The following UACA variants were observed in gnomAD, a reference collection of about 807,000 sequenced individuals.
UACA encodes the protein uveal autoantigen with coiled-coil domains and ankyrin repeats, also known as nuclear membrane binding protein.
In UACA, 112 loss-of-function variants were observed where a neutral mutation model predicts 160.5. That is an observed-to-expected ratio of 0.70 (90% CI 0.60 to 0.82). The LOEUF (loss-of-function observed/expected upper bound fraction) is 0.82, where lower values mean the gene tolerates loss of function less well. UACA is among the 40% of genes least tolerant of loss of function. The pLI is 0.00. For missense variants in UACA, 1,574 were observed against 1,614.6 expected, an observed-to-expected ratio of 0.97 and a Z score of 0.43; for synonymous variants, 557 against 568.4, an observed-to-expected ratio of 0.98 and a Z score of 0.29.
In UACA at chr15:70,666,864, C is replaced by G. The variant is rs1472074991; in HGVS notation, c.3820G>C (p.Glu1274Gln). The stretch of plus-strand genomic sequence containing the variant: ...ATGCTGAAATGCAGTAATTCCTTCT[C>G]ATCTTTTGCAGATATTTCCTTCTTT... ...AKKKEISAKD[E>Q]KELLHFSIEQ... Residue 1274 changes from glutamate to glutamine, a missense_variant, in exon 16 of 19, where the codon GAG (glutamate) becomes CAG (glutamine). Coordinates refer to ENST00000322954, the MANE Select transcript of UACA (RefSeq NM_018003.4). 6.2e-7 allele frequency: 1 copy of G among 1,613,830 alleles called. No individual in the cohort carries two copies. The highest frequency in any genetic ancestry group is 8.5e-7 in the Non-Finnish European group (1 of 1,179,962).
intron 17 of UACA, among the ~76,000 whole-genome samples, chr15:70,662,399 G>A (rs564058989): frequency 2.0e-5 from 3 of 152,210 alleles, no homozygotes; most frequent in East Asian, 1.9e-4. Flanking sequence ...ATGCTCATGG[G>A]TAGGAAGAAT....
upstream of UACA, among the ~76,000 whole-genome samples, chr15:70,767,257 CAAAA>C (rs1298617034): frequency 3.2e-5 from 3 of 94,278 alleles, no homozygotes; most frequent in East Asian, 4.9e-4. Context: ...AAAAAAAAAA[CAAAA>C]AACAAAAACA....
Position 70,705,145 on chromosome 15 carries a change from A to G in UACA, c.79-5485T>C, listed in dbSNP as rs147300067. Among the ~76,000 whole-genome samples, 1,480 of 152,298 alleles carry G rather than the reference A, an allele frequency of 9.7e-3. 32 individuals carry two copies. Among genetic ancestry groups the G allele is most frequent in the African/African-American group, 0.033 (1,377 of 41,568 alleles). On this transcript the variant is annotated intron_variant, in intron 1 of 18. Transcript: ENST00000322954. ...TTAAGTTAGGTTATGGTTCATCCAC[A>G]AGGACTCAAATATAGAAGTACAGAG...
intron 1 of UACA, among the ~76,000 whole-genome samples, chr15:70,745,378 T>C (rs1438454613): frequency 6.7e-6 from 1 of 148,708 alleles, no homozygotes; most frequent in Non-Finnish European, 1.5e-5. Flanking sequence ...GAGCTTGCAG[T>C]GAGCCGAGAT....
chr15:70,755,297 T>A (rs1251894175), intron 1 of UACA, among the ~76,000 whole-genome samples: 1 of 152,072 alleles, frequency 6.6e-6, no homozygotes, highest in Non-Finnish European at 1.5e-5. Context: ...AAGATGAAAC[T>A]TTCATGACTA....
rs908594911 is a variant in UACA at position 70,763,189 on chromosome 15, C to G, written c.78+141G>C. 1.9e-5 allele frequency: 18 copies of G among 935,418 alleles called. No homozygotes were observed. In the African/African-American group the frequency reaches 2.9e-4, roughly 15 times the overall value. 57.9% of individuals were successfully genotyped at this position (935,418 alleles called of 1,614,324 possible). ...GTCTCTGGGCTGACGGAGTCTCCGG[C>G]CTCAGGGAGGAGTCGCCAGGGCCGC... On this transcript the variant is annotated intron_variant, in intron 1 of 18. Coordinates refer to ENST00000322954, the MANE Select transcript of UACA (RefSeq NM_018003.4).
At chr15:70,714,014 C>T (rs1199188036) in intron 1 of UACA, among the ~76,000 whole-genome samples, 1 of 152,096 alleles carries the variant, frequency 6.6e-6, no homozygotes, top group Non-Finnish European at 1.5e-5. Context: ...TAAAACTAAA[C>T]ATCATTGATG....
At chr15:70,738,479 C>A (rs1326838731) in intron 1 of UACA, among the ~76,000 whole-genome samples, 2 of 152,196 alleles carry the variant, frequency 1.3e-5, no homozygotes, top group East Asian at 3.9e-4. Context: ...CAAAACACAC[C>A]TGGCCTGGAT....
intron 1 of UACA, among the ~76,000 whole-genome samples, chr15:70,759,293 T>C (rs2030608485): frequency 6.6e-6 from 1 of 152,186 alleles, no homozygotes; most frequent in African/African-American, 2.4e-5. Flanking sequence ...CCAGATCTGG[T>C]ACAGTATTTA....
At chr15:70,752,544 ATC>A (rs959130462) in intron 1 of UACA, among the ~76,000 whole-genome samples, 119 of 145,640 alleles carry the variant, frequency 8.2e-4, no homozygotes, top group African/African-American at 2.5e-3. Flanking sequence ...CCCACCACTT[ATC>A]TCTCTCTCTC....
intron 1 of UACA, among the ~76,000 whole-genome samples, chr15:70,724,679 C>T (rs558762101): frequency 3.2e-4 from 49 of 152,224 alleles, no homozygotes; most frequent in African/African-American, 1.0e-3. Context: ...CCAAGGCACA[C>T]TTATAATTGC....
chr15:70,744,825 A>C (rs947657179), intron 1 of UACA, among the ~76,000 whole-genome samples: 23 of 152,172 alleles, frequency 1.5e-4, no homozygotes. Context: ...AAAATTAGTC[A>C]GGATTCTGCC....
In UACA at chr15:70,665,525, A is replaced by C. The variant is rs564192902; in HGVS notation, c.3961-711T>G. Among the ~76,000 whole-genome samples the C allele has an allele frequency of 2.0e-5, 3 of 152,250 alleles. No individual in the cohort carries two copies. In the East Asian group the frequency reaches 5.8e-4, roughly 29 times the overall value. On this transcript the variant is annotated intron_variant, in intron 16 of 18. Transcript: ENST00000322954. Reference sequence around the variant, plus strand: ...GGAGGCTAAGGCAGGAAGATTGTTTAAACTCAGGAATTCAAGACCAGCCTG... The same window carrying C: ...GGAGGCTAAGGCAGGAAGATTGTTTCAACTCAGGAATTCAAGACCAGCCTG...
In UACA at chr15:70,701,413, A is replaced by C. The variant is rs1033454052; in HGVS notation, c.79-1753T>G. 2.6e-5 allele frequency among the ~76,000 whole-genome samples: 4 copies of C among 152,360 alleles called. 1 individual carries two copies. The South Asian group carries it at 6.2e-4, about 24-fold the overall frequency. ...TGCCTAAAGGATTAAATCATGTTTA[A>C]CACACAAATGCTTGTTCTAGATTTG... is the stretch of plus-strand genomic sequence containing the variant. On this transcript the variant is annotated intron_variant, in intron 1 of 18. Transcript: ENST00000322954.
chr15:70,761,381 T>G (rs145734622), intron 1 of UACA, among the ~76,000 whole-genome samples: 1 of 149,772 alleles, frequency 6.7e-6, no homozygotes, highest in African/African-American at 2.5e-5. Context: ...ATTCAAAAAA[T>G]AACTGTTTTT....
intron 1 of UACA, among the ~76,000 whole-genome samples, chr15:70,721,117 T>G (rs576256326): frequency 6.6e-6 from 1 of 152,078 alleles, no homozygotes; most frequent in African/African-American, 2.4e-5. Flanking sequence ...AACAAAAGGT[T>G]AAAGGGGGAG....
At chr15:70,739,779 G>T (rs1814786051) in intron 1 of UACA, among the ~76,000 whole-genome samples, 1 of 152,086 alleles carries the variant, frequency 6.6e-6, no homozygotes, top group Non-Finnish European at 1.5e-5. Context: ...TTTGATATGT[G>T]GTGTATATAT....
At chr15:70,679,189 G>A (rs1280999889) in intron 10 of UACA, among the ~76,000 whole-genome samples, 7 of 151,944 alleles carry the variant, frequency 4.6e-5, no homozygotes, top group Non-Finnish European at 8.8e-5. Context: ...GATCACCTGA[G>A]GTCAGGAGTT....
At chr15:70,713,163 T>C (rs1898733219) in intron 1 of UACA, among the ~76,000 whole-genome samples, 1 of 151,910 alleles carries the variant, frequency 6.6e-6, no homozygotes, top group Non-Finnish European at 1.5e-5. Flanking sequence ...GCTAACACAG[T>C]GATGTATTTT....
Sources: allele counts gnomAD v4.1 joint callset (sites outside exome capture counted in the v4.1 genomes callset), GRCh38; gene constraint gnomAD v4.1.1; transcripts MANE v1.5; gene names NCBI Gene and HGNC (gene_info 2026-07-23, HGNC 2026-07-21).